The following ANLN variants were observed in gnomAD, a reference collection of about 807,000 sequenced individuals.
ANLN encodes the protein anillin, actin binding protein, also known as anillin.
Under a neutral mutation model 135.1 loss-of-function variants are expected in ANLN, and 59 were observed. The ratio of observed to expected loss-of-function variants is 0.44; its 90% CI spans 0.35 to 0.54. The LOEUF (loss-of-function observed/expected upper bound fraction) is 0.54, where lower values mean the gene tolerates loss of function less well. Ranked by LOEUF, ANLN falls within the 20% of genes least tolerant of loss-of-function variation. ANLN has a pLI of 0.00. For missense variants in ANLN, 1,182 were observed against 1,340.0 expected (o/e 0.88, Z 1.84); for synonymous variants, 406 against 456.4 (o/e 0.89, Z 1.41).
chr7:36,405,246 C>T (rs1179331646), intron 3 of ANLN, among the ~76,000 whole-genome samples: 2 of 152,186 alleles, frequency 1.3e-5, no homozygotes, highest in African/African-American at 2.4e-5. Flanking sequence ...TAGTAGGCTA[C>T]ACCATTTTTG....
chr7:36,444,920 T>A (rs1788926939), intron 22 of ANLN, among the ~76,000 whole-genome samples: 2 of 151,950 alleles, frequency 1.3e-5, no homozygotes, highest in East Asian at 1.9e-4. Context: ...GTCATTACAA[T>A]TATTAATATT....
At chr7:36,410,187 CAT>C (rs1248171399) in intron 5 of ANLN, among the ~76,000 whole-genome samples, 1 of 152,214 alleles carries the variant, frequency 6.6e-6, no homozygotes, top group African/African-American at 2.4e-5. Context: ...TATTAATATA[CAT>C]ACAGTCAATT....
intron 3 of ANLN, among the ~76,000 whole-genome samples, chr7:36,403,041 C>G (rs1030305259): frequency 6.6e-6 from 1 of 152,038 alleles, no homozygotes; most frequent in South Asian, 2.1e-4. Flanking sequence ...GTCTTGAACC[C>G]GGGAGGCGGA....
intron 19 of ANLN, 23 bp downstream of exon 19, chr7:36,426,059 G>A (rs1200901001): frequency 1.4e-6 from 2 of 1,423,344 alleles, no homozygotes; most frequent in Non-Finnish European, 1.9e-6. Context: ...TGAACTATTT[G>A]AAACTTTAGA....
chr7:36,420,531 G>A (rs1466829251), intron 11 of ANLN, 66 bp from the exon 12 acceptor site: 4 of 1,402,898 alleles, frequency 2.9e-6, no homozygotes, highest in Non-Finnish European at 4.0e-6. Flanking sequence ...CTGCTGATAT[G>A]TTCAATAAAG....
chr7:36,448,761 T>C (rs549635826), intron 22 of ANLN, among the ~76,000 whole-genome samples: 3 of 152,222 alleles, frequency 2.0e-5, no homozygotes, highest in South Asian at 4.1e-4. Flanking sequence ...ATTGAATTTG[T>C]TTGGAATTTT....
At position 36,415,628 on chromosome 7, in the gene ANLN, CTA is replaced by C. The variant is rs1339543902; in HGVS notation, c.1396-128_1396-127del. ...ACAAGGCTGGGCCTATTCACATACA[CTA>C]TCTCTTTGGTTCTAAGGAAACTTAT... On this transcript the variant is annotated intron_variant, in intron 7 of 23. Transcript: ENST00000265748. 8.8e-6 allele frequency: 9 copies of C among 1,025,788 alleles called. No individual in the cohort carries two copies. The East Asian group carries it at 2.5e-4, about 29-fold the overall frequency. The allele number at this position is 1,025,788 out of a possible 1,614,324, so 63.5% of individuals were successfully genotyped here.
chr7:36,421,701 G>A (rs1787882423), intron 12 of ANLN, among the ~76,000 whole-genome samples, 156 bp from the exon 13 acceptor site: 1 of 152,100 alleles, frequency 6.6e-6, no homozygotes, highest in Admixed American at 6.5e-5. Context: ...AATGTTTTTG[G>A]TGCATAGTCG....
At position 36,399,167 on chromosome 7, in the gene ANLN, A is replaced by G. The variant is rs1380965428; in HGVS notation, c.261A>G (p.Pro87=). ...TTTCTAACTTGGAAAATAAACAACC[A>G]GTTGAGTCGACATCTGCAAAATCTT... ...VEVSNLENKQ[P]VESTSAKSCS... Residue 87 remains proline, a synonymous_variant, in exon 3 of 24, where the codon CCA becomes CCG. Transcript: ENST00000265748. 2 of 1,614,184 alleles carry G rather than the reference A, an allele frequency of 1.2e-6. No individual in the cohort carries two copies. The highest frequency in any genetic ancestry group is 1.7e-6 in the Non-Finnish European group (2 of 1,180,032).
Position 36,452,607 on chromosome 7 carries a change from A to G in ANLN, c.*7A>G. The G allele has an allele frequency of 6.2e-7, 1 of 1,613,764 alleles. No homozygotes were observed. Among genetic ancestry groups the G allele is most frequent in the Non-Finnish European group, 8.5e-7 (1 of 1,179,766 alleles). On this transcript the variant is annotated 3_prime_UTR_variant, in exon 24 of 24. Coordinates refer to ENST00000265748, the MANE Select transcript of ANLN (RefSeq NM_018685.5). ...ACCTATTGGAAAGCCTTAAACCGGGAAATTTCCATGCTATCTAGAGGTTTT... is the reference window on the plus strand; with the variant it reads ...ACCTATTGGAAAGCCTTAAACCGGGGAATTTCCATGCTATCTAGAGGTTTT...
Position 36,426,904 on chromosome 7 carries a change from C to T in ANLN, c.2771-12C>T, listed in dbSNP as rs532715891. On this transcript the variant is annotated splice_polypyrimidine_tract_variant and intron_variant, in intron 19 of 23. Coordinates refer to ENST00000265748, the MANE Select transcript of ANLN (RefSeq NM_018685.5). ...CATTCTGAACTAAACTTAATTTCCTCGTTCTTCACAGTCATGGCCAGTCCA... is the reference window on the plus strand; with the variant it reads ...CATTCTGAACTAAACTTAATTTCCTTGTTCTTCACAGTCATGGCCAGTCCA... 1.4e-5 allele frequency: 21 copies of T among 1,541,584 alleles called. 2 individuals carry two copies. The highest frequency in any genetic ancestry group is 2.8e-5 in the African/African-American group (2 of 72,062).
rs901807349 is a variant in ANLN at position 36,419,283 on chromosome 7, A to G, written c.1673A>G (p.Asp558Gly). Residue 558 changes from aspartate (D) to glycine (G), a missense_variant, in exon 10 of 24, where the codon GAT becomes GGT. By Grantham distance (94) the Asp-to-Gly change is moderately conservative. This residue lies in a region of ANLN where 1,022 missense variants were observed against 1,134.0 expected (regional missense o/e 0.90). Transcript: ENST00000265748. ...ATTGAGATGAGTGTGGATGATGATG[A>G]TATCAATAGTTCGAAAGTAATTAAT... is the stretch of plus-strand genomic sequence containing the variant. ...REIEMSVDDDDINSSKVINDL... is the reference protein window; with the variant it reads ...REIEMSVDDDGINSSKVINDL... The G allele has an allele frequency of 2.5e-6, 4 of 1,614,126 alleles. No individual in the cohort carries two copies. Among genetic ancestry groups the G allele is most frequent in the Non-Finnish European group, 3.4e-6 (4 of 1,179,986 alleles).
At chr7:36,417,231 CTA>C (rs1787682042) in intron 9 of ANLN, 41 bp downstream of exon 9, 1 of 1,106,030 alleles carries the variant, frequency 9.0e-7, no homozygotes, top group African/African-American at 1.6e-5. Flanking sequence ...TTTGCACATA[CTA>C]TAGGAAATAA....
chr7:36,429,990 C>T (rs1310496424), intron 20 of ANLN, among the ~76,000 whole-genome samples: 1 of 152,084 alleles, frequency 6.6e-6, no homozygotes, highest in Non-Finnish European at 1.5e-5. Flanking sequence ...AGATACAGTA[C>T]GATTTAGAAG....
chr7:36,402,580 A>G (rs975379935), intron 3 of ANLN, among the ~76,000 whole-genome samples: 31 of 152,216 alleles, frequency 2.0e-4, no homozygotes, highest in Middle Eastern at 3.4e-3. Context: ...TTAAATTCCA[A>G]TCTGGACCTG....
chr7:36,449,557 A>T (rs944757496), intron 22 of ANLN, 108 bp from the exon 23 acceptor site: 1 of 856,076 alleles, frequency 1.2e-6, no homozygotes, highest in Non-Finnish European at 1.7e-6. Flanking sequence ...TTTAACTTTT[A>T]AATAATAGCT....
chr7:36,435,771 G>A (rs1165751611), intron 20 of ANLN, among the ~76,000 whole-genome samples: 2 of 148,830 alleles, frequency 1.3e-5, no homozygotes, highest in African/African-American at 2.5e-5. Flanking sequence ...TACTCGGGAG[G>A]CTGAGGCAGG....
chr7:36,395,190 C>T (rs1482252585), intron 1 of ANLN, among the ~76,000 whole-genome samples: 2 of 152,062 alleles, frequency 1.3e-5, no homozygotes, highest in Non-Finnish European at 2.9e-5. Flanking sequence ...TTTTACAGTT[C>T]TTTAGAGACA....
chr7:36,424,736 G>T lies in ANLN; in HGVS notation c.2703G>T (p.Lys901Asn), dbSNP rs774935689. ...TTGATAAGAAGAAAAAAACATCCAA[G>T]TCCAAGGTGAGAATTAAAGAAACCC... ...SGLDKKKKTSKSKAITPKRLL... is the reference protein window; with the variant it reads ...SGLDKKKKTSNSKAITPKRLL... The change falls in exon 17 of 24, where the codon AAG becomes AAT. Residue 901 changes from lysine (K) to asparagine (N), a missense_variant. Lys to Asn is a moderately conservative substitution (Grantham distance 94). This residue lies in a region of ANLN where 1,022 missense variants were observed against 1,134.0 expected (regional missense o/e 0.90). Transcript: ENST00000265748. 7 of 1,611,688 alleles carry T rather than the reference G, an allele frequency of 4.3e-6. No individual in the cohort carries two copies. Among genetic ancestry groups the T allele is most frequent in the Non-Finnish European group, 5.9e-6 (7 of 1,178,970 alleles).
Sources: gnomAD v4.1 joint callset for allele counts (sites outside exome capture counted in the v4.1 genomes callset) on GRCh38, gnomAD v4.1.1 for gene constraint, gnomAD v4.1.1 regional missense constraint, MANE v1.5 for transcripts, NCBI Gene and HGNC (gene_info 2026-07-23, HGNC 2026-07-21) for gene names.